The following DPH6 variants were observed in gnomAD, a reference collection of about 807,000 sequenced individuals.
DPH6 encodes diphthine--ammonia ligase.
In DPH6, 33 loss-of-function variants were observed where a neutral mutation model predicts 38.2. The observed-to-expected ratio is 0.86, with a 90% confidence interval of 0.65 to 1.15. The LOEUF (loss-of-function observed/expected upper bound fraction) is 1.15, where lower values mean the gene tolerates loss of function less well. Ranked by LOEUF, DPH6 falls within the 50% of genes most tolerant of loss-of-function variation. The pLI, the probability that DPH6 is intolerant of heterozygous loss-of-function variation, is 0.00. For synonymous variants in DPH6, 108 were observed against 103.0 expected (o/e 1.05, Z -0.30); for missense variants, 325 against 320.0 (o/e 1.02, Z -0.12).
intron 3 of DPH6, chr15:35,298,432 C>T (rs949805524): frequency 1.2e-5 from 9 of 748,332 alleles, no homozygotes; most frequent in Non-Finnish European, 2.0e-5. Flanking sequence ...TTTCAAACAA[C>T]ACACTTTCCC....
chr15:35,491,714 T>C lies in DPH6; in HGVS notation c.313-36894A>G, dbSNP rs58951770. Among the ~76,000 whole-genome samples the C allele has an allele frequency of 4.2e-3, 348 of 83,658 alleles. 2 individuals carry two copies. The highest frequency in any genetic ancestry group is 9.0e-3 in the African/African-American group (338 of 37,476). The allele number at this position is 83,658 out of a possible 152,430, so 54.9% of individuals were successfully genotyped here. On this transcript the variant is annotated intron_variant, in intron 3 of 8. Transcript: ENST00000256538. ...ATACACACATATAAATATCTTTATA[T>C]ATGTAGATGTATATATCTAGATATA...
intron 4 of DPH6, among the ~76,000 whole-genome samples, chr15:35,451,840 C>T (rs1184110208): frequency 6.6e-6 from 1 of 152,122 alleles, no homozygotes; most frequent in Admixed American, 6.5e-5. Flanking sequence ...GAAACCCCGT[C>T]TCTACTAAAA....
At chr15:35,513,457 A>G (rs1285261654) in intron 3 of DPH6, among the ~76,000 whole-genome samples, 2 of 152,040 alleles carry the variant, frequency 1.3e-5, no homozygotes, top group Non-Finnish European at 2.9e-5. Flanking sequence ...GAGGTAGAAG[A>G]CAGATGAACA....
At chr15:35,476,127 G>C (rs1211712996) in intron 3 of DPH6, among the ~76,000 whole-genome samples, 1 of 151,750 alleles carries the variant, frequency 6.6e-6, no homozygotes, top group Non-Finnish European at 1.5e-5. Flanking sequence ...ATCTATACAA[G>C]TAAGAAATAT....
intron 5 of DPH6, among the ~76,000 whole-genome samples, chr15:35,414,134 C>T (rs1595542980): frequency 6.6e-6 from 1 of 151,618 alleles, no homozygotes; most frequent in Admixed American, 6.6e-5. Flanking sequence ...AATGTTTATG[C>T]TCACTATTGT....
At chr15:35,414,201 C>G (rs2053407655) in intron 5 of DPH6, among the ~76,000 whole-genome samples, 1 of 151,558 alleles carries the variant, frequency 6.6e-6, no homozygotes, top group Non-Finnish European at 1.5e-5. Flanking sequence ...GTTCTTTATT[C>G]TTTCACTGAT....
intron 3 of DPH6, among the ~76,000 whole-genome samples, chr15:35,496,590 A>ATATATATATC (rs2054561933): frequency 7.6e-6 from 1 of 130,750 alleles, no homozygotes; most frequent in Non-Finnish European, 1.6e-5. Flanking sequence ...ATATATATAT[A>ATATATATATC]TCCTCTACCA....
chr15:35,381,595 G>GA (rs1334648988), intron 7 of DPH6, among the ~76,000 whole-genome samples: 1 of 152,170 alleles, frequency 6.6e-6, no homozygotes, highest in Non-Finnish European at 1.5e-5. Context: ...GCAAGTAAAC[G>GA]AAAGTGCAAT....
Position 35,372,121 on chromosome 15 carries a change from G to C in DPH6, c.*29C>G. 2 of 1,503,918 alleles carry C rather than the reference G, an allele frequency of 1.3e-6. No homozygotes were observed. The highest frequency in any genetic ancestry group is 1.8e-6 in the Non-Finnish European group (2 of 1,128,766). 93.2% of individuals were successfully genotyped at this position (1,503,918 alleles called of 1,614,324 possible). A position where few individuals can be genotyped will look rare whatever the true frequency, so the allele number is the denominator to read the frequency against. ...GCAATTTTTTTGTATAGAAATGGTGGTTTAATGAACAATGTTCCAAAACAC... is the reference window on the plus strand; with the variant it reads ...GCAATTTTTTTGTATAGAAATGGTGCTTTAATGAACAATGTTCCAAAACAC... On this transcript the variant is annotated 3_prime_UTR_variant, in exon 9 of 9. Coordinates refer to ENST00000256538, the MANE Select transcript of DPH6 (RefSeq NM_080650.4).
At chr15:35,299,017 G>A (rs2052035084) in intron 3 of DPH6, 4 of 731,534 alleles carry the variant, frequency 5.5e-6, no homozygotes, top group South Asian at 1.6e-5. Flanking sequence ...GAAAACTCAC[G>A]TGCATCATGT....
the DPH6 span, among the ~76,000 whole-genome samples, chr15:35,162,663 T>C: frequency 6.6e-6 from 1 of 151,836 alleles, no homozygotes; most frequent in South Asian, 2.1e-4. Flanking sequence ...GCACTTATAA[T>C]AATTTTTTTA....
intron 3 of DPH6, among the ~76,000 whole-genome samples, chr15:35,306,797 G>A (rs2052095740): frequency 6.6e-6 from 1 of 152,152 alleles, no homozygotes; most frequent in Non-Finnish European, 1.5e-5. Flanking sequence ...TCCAGAACCT[G>A]TAATTACCTC....
At chr15:35,194,389 G>A in the DPH6 span, among the ~76,000 whole-genome samples, 1 of 151,868 alleles carries the variant, frequency 6.6e-6, no homozygotes, top group African/African-American at 2.4e-5. Flanking sequence ...GAGAGAGAGA[G>A]AGAGAGATAG....
At chr15:35,393,185 G>A (rs2053083172) in intron 6 of DPH6, among the ~76,000 whole-genome samples, 1 of 152,170 alleles carries the variant, frequency 6.6e-6, no homozygotes, top group Admixed American at 6.5e-5. Context: ...AGCAGCTGGA[G>A]GAATCTAGGC....
chr15:35,159,679 A>G, the DPH6 span, among the ~76,000 whole-genome samples: 2 of 152,116 alleles, frequency 1.3e-5, no homozygotes, highest in Admixed American at 6.6e-5. Flanking sequence ...GAGAACTACC[A>G]TTCGACTCAG....
At chr15:35,391,081 G>A (rs879668785) in intron 6 of DPH6, among the ~76,000 whole-genome samples, 22 of 152,170 alleles carry the variant, frequency 1.4e-4, no homozygotes, top group Non-Finnish European at 2.1e-4. Context: ...TCAGCTGCAG[G>A]TCTGTTGGAC....
At chr15:35,307,698 G>A (rs929697955) in intron 3 of DPH6, among the ~76,000 whole-genome samples, 3 of 151,824 alleles carry the variant, frequency 2.0e-5, no homozygotes, top group Non-Finnish European at 4.4e-5. Context: ...TTTTCAAAAG[G>A]TTCAGAAAAA....
chr15:35,489,497 T>C lies in DPH6; in HGVS notation c.313-34677A>G, dbSNP rs73382718. ...TATTAGGCATATAATAAATATGAAC[T>C]AGAATTATAGCCAGAACTTATTTTC... is the stretch of plus-strand genomic sequence containing the variant. On this transcript the variant is annotated intron_variant, in intron 3 of 8. Transcript: ENST00000256538. 2.3e-3 allele frequency: 2,230 copies of C among 982,696 alleles called. 40 individuals carry two copies. The African/African-American group carries it at 0.036, about 16-fold the overall frequency. The allele number at this position is 982,696 out of a possible 1,614,324, so 60.9% of individuals were successfully genotyped here.
intron 5 of DPH6, among the ~76,000 whole-genome samples, chr15:35,425,286 GACTACT>G (rs2053554565): frequency 6.6e-6 from 1 of 151,418 alleles, no homozygotes; most frequent in Non-Finnish European, 1.5e-5. Flanking sequence ...TAAATAATCT[GACTACT>G]ACATAGAGAA....
Sources: gnomAD v4.1 joint callset for allele counts (sites outside exome capture counted in the v4.1 genomes callset) on GRCh38, gnomAD v4.1.1 for gene constraint, MANE v1.5 for transcripts, NCBI Gene and HGNC (gene_info 2026-07-23, HGNC 2026-07-21) for gene names.